The following VPS54 variants were observed in gnomAD, a reference collection of about 807,000 sequenced individuals.
The protein encoded by VPS54 is vacuolar protein sorting-associated protein 54.
Under a neutral mutation model 121.5 loss-of-function variants are expected in VPS54, and 45 were observed. The observed-to-expected ratio is 0.37, with a 90% CI of 0.29 to 0.47. VPS54 has a LOEUF of 0.47. Among genes scored for constraint, VPS54 ranks in the 20% least tolerant of loss-of-function variants. VPS54 has a pLI of 0.99. For synonymous variants in VPS54, 371 were observed against 385.8 expected (o/e 0.96, Z 0.45); for missense variants, 1,090 against 1,131.4 (o/e 0.96, Z 0.52).
At chr2:64,014,734 A>G (rs549144179) in intron 1 of VPS54, among the ~76,000 whole-genome samples, 1 of 152,212 alleles carries the variant, frequency 6.6e-6, no homozygotes, top group Non-Finnish European at 1.5e-5. Context: ...ATCTTAATAC[A>G]TATTACCTCA....
chr2:64,004,456 C>G (rs1019563866), intron 1 of VPS54, among the ~76,000 whole-genome samples: 1 of 152,314 alleles, frequency 6.6e-6, no homozygotes, highest in East Asian at 1.9e-4. Flanking sequence ...ACCTGGCTGT[C>G]ACCACCTTAC....
At chr2:63,938,396 G>A (rs1674564267) in intron 11 of VPS54, among the ~76,000 whole-genome samples, 1 of 152,100 alleles carries the variant, frequency 6.6e-6, no homozygotes. Context: ...GCCACAGGAT[G>A]AAGGCTGGTC....
rs1244347329 is a variant in VPS54, at chr2:63,976,192, A to G, written c.379-3948T>C. ...CCCCGTCACTACAAAATATGCAAAA[A>G]TTAGCCAGGCGTGGTGTTGTGGTGG... On this transcript the variant is annotated intron_variant, in intron 3 of 22. Transcript: ENST00000272322. 2.0e-5 allele frequency among the ~76,000 whole-genome samples: 3 copies of G among 152,150 alleles called. No individual in the cohort carries two copies. In the East Asian group the frequency reaches 5.8e-4, roughly 29 times the overall value.
At chr2:63,989,926 G>A (rs570172164) in intron 1 of VPS54, among the ~76,000 whole-genome samples, 23 of 152,228 alleles carry the variant, frequency 1.5e-4, no homozygotes, top group African/African-American at 4.1e-4. Context: ...TATTCAAGGC[G>A]GTGGAAAAAT....
At position 63,921,078 on chromosome 2, in the gene VPS54, G is replaced by T. The variant is rs564664126; in HGVS notation, c.1869+128C>A. The T allele has an allele frequency of 5.1e-5, 50 of 976,628 alleles. 1 individual carries two copies. The East Asian group carries it at 1.3e-3, about 25-fold the overall frequency. The allele number at this position is 976,628 out of a possible 1,614,324, so 60.5% of individuals were successfully genotyped here. ...ATCTCCCTAGTAGACCACATCAGTG[G>T]TAACACTGACTTTATTAAATGTTAA... On this transcript the variant is annotated intron_variant, in intron 13 of 22. Coordinates refer to ENST00000272322, the MANE Select transcript of VPS54 (RefSeq NM_016516.3).
rs956733547 is a variant in VPS54, at chr2:63,913,320, G to T, written c.2335-10C>A. The T allele has an allele frequency of 3.1e-6, 5 of 1,600,824 alleles. No homozygotes were observed. Among genetic ancestry groups the T allele is most frequent in the Non-Finnish European group, 4.3e-6 (5 of 1,174,862 alleles). The stretch of plus-strand genomic sequence containing the variant: ...TTCTTGAATTGAAGTACTAACAAAA[G>T]AAGGAGAAAAAAACCCCAAAATTTA... On this transcript the variant is annotated splice_polypyrimidine_tract_variant and intron_variant, in intron 17 of 22. Coordinates refer to ENST00000272322, the MANE Select transcript of VPS54 (RefSeq NM_016516.3).
intron 22 of VPS54, among the ~76,000 whole-genome samples, chr2:63,896,156 A>G (rs934489319): frequency 3.3e-5 from 5 of 152,202 alleles, no homozygotes; most frequent in African/African-American, 4.8e-5. Context: ...GCGTCACCAC[A>G]TGTGATGTTC....
At chr2:63,909,853 T>G (rs1235996948) in intron 20 of VPS54, among the ~76,000 whole-genome samples, 1 of 150,440 alleles carries the variant, frequency 6.6e-6, no homozygotes, top group Non-Finnish European at 1.5e-5. Flanking sequence ...GCCTCCCGAG[T>G]AGCTGGGATT....
At chr2:64,011,471 C>G (rs1678426205) in intron 1 of VPS54, among the ~76,000 whole-genome samples, 2 of 152,042 alleles carry the variant, frequency 1.3e-5, no homozygotes, top group African/African-American at 4.8e-5. Context: ...GAGGCTGAGG[C>G]AGAGCAATCG....
intron 12 of VPS54, among the ~76,000 whole-genome samples, chr2:63,926,584 TG>T (rs1673914630): frequency 1.3e-5 from 2 of 151,658 alleles, no homozygotes; most frequent in South Asian, 4.2e-4. Context: ...AGAAGACGGG[TG>T]ATCTCTGCAT....
rs1335855423 is a variant in VPS54 at position 63,936,218 on chromosome 2, A to G, written c.1399-2205T>C. On this transcript the variant is annotated intron_variant, in intron 11 of 22. Coordinates refer to ENST00000272322, the MANE Select transcript of VPS54 (RefSeq NM_016516.3). ...TAAAATTTTCCACATAAAGTATATC[A>G]GGTATTCTAGGGATTCTTCTTTGCT... Among the ~76,000 whole-genome samples the G allele has an allele frequency of 2.0e-5, 3 of 152,196 alleles. 1 individual carries two copies. In the South Asian group the frequency reaches 6.2e-4, roughly 31 times the overall value.
intron 20 of VPS54, among the ~76,000 whole-genome samples, chr2:63,905,375 C>T (rs941514911): frequency 1.2e-4 from 19 of 152,074 alleles, no homozygotes; most frequent in African/African-American, 4.3e-4. Context: ...CAGATCCTCA[C>T]TGACATTAAA....
intron 3 of VPS54, among the ~76,000 whole-genome samples, chr2:63,976,825 C>CTTTTTTTTTTTTT (rs1174931536): frequency 2.6e-4 from 23 of 89,680 alleles, no homozygotes; most frequent in African/African-American, 9.1e-4. Flanking sequence ...TATATCTTCT[C>CTTTTTTTTTTTTT]TTTTTTTTTT....
At chr2:63,899,058 TTA>T (rs915045561) in intron 21 of VPS54, among the ~76,000 whole-genome samples, 1 of 152,192 alleles carries the variant, frequency 6.6e-6, no homozygotes, top group African/African-American at 2.4e-5. Flanking sequence ...ATTGAGTTAA[TTA>T]TATGTGTTAA....
Position 63,909,508 on chromosome 2 carries a change from G to A in VPS54, c.2625+2837C>T, listed in dbSNP as rs144513004. Among the ~76,000 whole-genome samples, 1,145 of 129,104 alleles carry A rather than the reference G, an allele frequency of 8.9e-3. 7 individuals are homozygous for A. Among genetic ancestry groups the A allele is most frequent in the Non-Finnish European group, 0.011 (704 of 64,234 alleles). 84.7% of individuals were successfully genotyped at this position (129,104 alleles called of 152,430 possible). On this transcript the variant is annotated intron_variant, in intron 20 of 22. Coordinates refer to ENST00000272322, the MANE Select transcript of VPS54 (RefSeq NM_016516.3). ...GTGATCTTGGCTCACTGCAACCTCC[G>A]CCTCGTGGGTTCAAGCAATTCTCTG...
At chr2:63,899,622 G>T in intron 20 of VPS54, 41 bp from the exon 21 acceptor site, 3 of 1,518,712 alleles carry the variant, frequency 2.0e-6, no homozygotes, top group Non-Finnish European at 2.7e-6. Flanking sequence ...CATGTCCTCT[G>T]AATTGCATAA....
Position 64,015,785 on chromosome 2 carries a change from A to T in VPS54, c.-21+3153T>A, listed in dbSNP as rs139557211. The stretch of plus-strand genomic sequence containing the variant: ...TTTAAAAAAATAAGACATTAATAGT[A>T]TAAGAAGATATCTAAATAATACATT... On this transcript the variant is annotated intron_variant, in intron 1 of 22. Transcript: ENST00000272322. 3.4e-3 allele frequency among the ~76,000 whole-genome samples: 513 copies of T among 152,346 alleles called. 9 individuals are homozygous for T. The highest frequency in any genetic ancestry group is 0.012 in the African/African-American group (487 of 41,578).
intron 11 of VPS54, among the ~76,000 whole-genome samples, chr2:63,935,047 G>A (rs1390330596): frequency 6.6e-6 from 1 of 152,084 alleles, no homozygotes. Context: ...ATCTAAGCTA[G>A]TCCAATTAGT....
chr2:63,907,442 C>T (rs1396178120), intron 20 of VPS54, among the ~76,000 whole-genome samples: 10 of 150,014 alleles, frequency 6.7e-5, no homozygotes, highest in Middle Eastern at 3.5e-3. Flanking sequence ...AGCATGAACC[C>T]GGGAGGCGGA....
Sources: allele counts gnomAD v4.1 joint callset (sites outside exome capture counted in the v4.1 genomes callset), GRCh38; gene constraint gnomAD v4.1.1; transcripts MANE v1.5; gene names NCBI Gene and HGNC (gene_info 2026-07-23, HGNC 2026-07-21).